Variants in SLC5A11 observed in about 807,000 individuals in gnomAD.
The protein encoded by SLC5A11 is sodium/myo-inositol cotransporter 2.
SLC5A11 carries 48 observed loss-of-function variants against 69.8 expected under a neutral mutation model. That is an observed-to-expected ratio of 0.69 (90% CI 0.55 to 0.87). The LOEUF (loss-of-function observed/expected upper bound fraction) is 0.87. Ranked by LOEUF, SLC5A11 falls within the 40% of genes least tolerant of loss-of-function variation. The probability of loss-of-function intolerance (pLI) is 0.00; values close to 1 mark genes in which losing one functional copy is unlikely to be tolerated. For missense variants in SLC5A11, 784 were observed against 866.1 expected (o/e 0.91, Z 1.19); for synonymous variants, 319 against 342.4 (o/e 0.93, Z 0.75).
At chr16:24,849,589 A>ATATATATAT (rs60706405) in intron 1 of SLC5A11, among the ~76,000 whole-genome samples, 5 of 63,764 alleles carry the variant, frequency 7.8e-5, no homozygotes, top group South Asian at 5.6e-4. Context: ...AAAAAAAAAA[A>ATATATATAT]AAAAATATAT....
intron 9 of SLC5A11, among the ~76,000 whole-genome samples, chr16:24,895,567 GAGGGGAAGGGAGGGA>G (rs1328238407): frequency 6.8e-6 from 1 of 146,070 alleles, no homozygotes; most frequent in Non-Finnish European, 1.5e-5. Flanking sequence ...CAGGAGAGGG[GAGGGGAAGGGAGGGA>G]AGGGAAAAGG....
In SLC5A11 at chr16:24,911,348, T is replaced by C. The variant is rs1224164832; in HGVS notation, c.1843T>C (p.Ser615Pro). 3.7e-6 allele frequency: 6 copies of C among 1,613,784 alleles called. No homozygotes were observed. In the South Asian group the frequency reaches 4.4e-5, roughly 12 times the overall value. The change falls in exon 16 of 16, where the codon TCC becomes CCC. Residue 615 changes from serine (S) to proline (P), a missense_variant. Physicochemically the swap from Ser to Pro is moderately conservative, Grantham distance 74. Coordinates refer to ENST00000347898, the Ensembl canonical transcript of SLC5A11. ...TCTAGGTGACATGACCCCAAAGCAG[T>C]CCAAAGTGGTGAAGGCCATCCTGTG...
At chr16:24,910,080 A>G (rs190386949) in intron 14 of SLC5A11, among the ~76,000 whole-genome samples, 1 of 143,648 alleles carries the variant, frequency 7.0e-6, no homozygotes, top group Non-Finnish European at 1.5e-5. Context: ...CAACAGGAGG[A>G]TGGGGTTTAT....
intron 5 of SLC5A11, among the ~76,000 whole-genome samples, 194 bp from the exon 7 acceptor site, chr16:24,875,433 T>C (rs1024375978): frequency 1.3e-5 from 2 of 152,170 alleles, no homozygotes; most frequent in African/African-American, 4.8e-5. Flanking sequence ...CCCCTTGCCT[T>C]AGTCTCCCAA....
rs563199900 is a variant in SLC5A11 at position 24,889,583 on chromosome 16, C to T, written c.665-1286C>T. On this transcript the variant is annotated intron_variant, in intron 8 of 15. Transcript: ENST00000347898. ...TTTTTTTTTTTTTGAGATGGAGTCT[C>T]GCTCTGTCACGCAGGCTGGAATGCA... Among the ~76,000 whole-genome samples, 506 of 114,550 alleles carry T rather than the reference C, an allele frequency of 4.4e-3. 1 individual carries two copies. Among genetic ancestry groups the T allele is most frequent in the Non-Finnish European group, 6.6e-3 (399 of 60,744 alleles). The allele number at this position is 114,550 out of a possible 152,430, so 75.1% of individuals were successfully genotyped here. A position where few individuals can be genotyped will look rare whatever the true frequency, so the allele number is the denominator to read the frequency against.
At chr16:24,902,497 A>G (rs999084216) in intron 10 of SLC5A11, among the ~76,000 whole-genome samples, 1 of 152,054 alleles carries the variant, frequency 6.6e-6, no homozygotes, top group African/African-American at 2.4e-5. Context: ...TGGAAGATCA[A>G]TAACAAGACC....
At chr16:24,856,426 C>T (rs893104696) in intron 1 of SLC5A11, among the ~76,000 whole-genome samples, 1 of 151,682 alleles carries the variant, frequency 6.6e-6, no homozygotes, top group African/African-American at 2.4e-5. Flanking sequence ...AGTTCAAGGC[C>T]AGCCTGGGGA....
intron 8 of SLC5A11, among the ~76,000 whole-genome samples, chr16:24,887,468 C>T (rs2048468523): frequency 6.6e-6 from 1 of 152,020 alleles, no homozygotes; most frequent in Admixed American, 6.6e-5. Flanking sequence ...AGAAAAACAT[C>T]ATGAAGAAGA....
chr16:24,894,586 G>A (rs552439523), intron 9 of SLC5A11, among the ~76,000 whole-genome samples: 18 of 151,646 alleles, frequency 1.2e-4, no homozygotes, highest in African/African-American at 3.9e-4. Flanking sequence ...CGGATCACGA[G>A]GTCAGGAGAT....
At chr16:24,878,043 CTCAG>C (rs1326257356) in intron 7 of SLC5A11, among the ~76,000 whole-genome samples, 1 of 152,040 alleles carries the variant, frequency 6.6e-6, no homozygotes, top group African/African-American at 2.4e-5. Context: ...ATTCCAGCTA[CTCAG>C]GAGGCTGAGG....
At chr16:24,869,537 C>T (rs1169240009) in intron 3 of SLC5A11, among the ~76,000 whole-genome samples, 2 of 152,196 alleles carry the variant, frequency 1.3e-5, no homozygotes, top group African/African-American at 2.4e-5. Flanking sequence ...TCCTGATTCT[C>T]ATCATGAATC....
chr16:24,879,823 G>A (rs2047924339), intron 7 of SLC5A11, among the ~76,000 whole-genome samples: 1 of 152,210 alleles, frequency 6.6e-6, no homozygotes, highest in Non-Finnish European at 1.5e-5. Context: ...GCCTCCAGCT[G>A]CATTCATGTG....
At position 24,894,670 on chromosome 16, in the gene SLC5A11, G is replaced by A. The variant is rs557045850; in HGVS notation, c.871-3304G>A. On this transcript the variant is annotated intron_variant, in intron 9 of 15. Transcript: ENST00000347898. ...CAAAAAATTAATTGGGCATGGTGGT[G>A]GGCACCTGTAGTCCCAGCTACTTGG... Among the ~76,000 whole-genome samples the A allele has an allele frequency of 3.3e-5, 5 of 152,178 alleles. No individual in the cohort carries two copies. The East Asian group carries it at 9.7e-4, about 29-fold the overall frequency.
chr16:24,872,700 T>C (rs1463391827), intron 5 of SLC5A11, among the ~76,000 whole-genome samples: 6 of 149,822 alleles, frequency 4.0e-5, no homozygotes. Context: ...TTTTTTTTAG[T>C]AGAAAATACA....
At chr16:24,904,815 A>G (rs944027151) in intron 10 of SLC5A11, among the ~76,000 whole-genome samples, 1 of 152,150 alleles carries the variant, frequency 6.6e-6, no homozygotes, top group East Asian at 1.9e-4. Flanking sequence ...ATACATGTGC[A>G]GAACGTGCAG....
intron 7 of SLC5A11, among the ~76,000 whole-genome samples, chr16:24,879,429 T>C (rs774643398): frequency 3.3e-5 from 5 of 152,052 alleles, no homozygotes; most frequent in Non-Finnish European, 7.4e-5. Flanking sequence ...GTTTATTCAG[T>C]TTCCACTTAT....
chr16:24,895,130 A>G (rs1567668781), intron 9 of SLC5A11, among the ~76,000 whole-genome samples: 1 of 151,686 alleles, frequency 6.6e-6, no homozygotes, highest in East Asian at 2.0e-4. Context: ...GCCTCAGAAA[A>G]AAAGAAAGAA....
At chr16:24,872,256 A>C in intron 5 of SLC5A11, 37 bp downstream of exon 6, 3 of 1,612,086 alleles carry the variant, frequency 1.9e-6, no homozygotes, top group Non-Finnish European at 2.5e-6. Flanking sequence ...TAGAATTGAA[A>C]GATGCTTTGG....
chr16:24,910,596 C>A, intron 15 of SLC5A11, 119 bp downstream of exon 16: 1 of 1,134,508 alleles, frequency 8.8e-7, no homozygotes, highest in Non-Finnish European at 1.2e-6. Flanking sequence ...GTTTTAGCAT[C>A]CTCTGGCTCC....
Sources: gnomAD v4.1 joint callset for allele counts (sites outside exome capture counted in the v4.1 genomes callset) on GRCh38, gnomAD v4.1.1 for gene constraint, MANE v1.5 for transcripts, NCBI Gene and HGNC (gene_info 2026-07-23, HGNC 2026-07-21) for gene names.